Variants in DGKZ observed in about 807,000 individuals in gnomAD.
DGKZ encodes the protein diacylglycerol kinase zeta.
Under a neutral mutation model 142.5 loss-of-function variants are expected in DGKZ, and 45 were observed. The observed-to-expected ratio is 0.32, with a 90% CI of 0.25 to 0.40. The LOEUF (loss-of-function observed/expected upper bound fraction) is 0.40, where lower values mean the gene tolerates loss of function less well. DGKZ is among the 10% of genes least tolerant of loss of function. The pLI is 1.00. For synonymous variants in DGKZ, 442 were observed against 527.0 expected (o/e 0.84, Z 2.21); for missense variants, 755 against 1,306.5 (o/e 0.58, Z 6.51).
Position 46,367,081 on chromosome 11 carries a change from AC to A in DGKZ, c.162-209del. ...AGCTCTGCCTGGCTGAGGGTTCCCCACTTGGGAACACTCTGGGCAGTACCCT... is the reference window on the plus strand; with the variant it reads ...AGCTCTGCCTGGCTGAGGGTTCCCCATTGGGAACACTCTGGGCAGTACCCT... On this transcript the variant is annotated intron_variant, in intron 1 of 30. Coordinates refer to ENST00000527911, the Ensembl canonical transcript of DGKZ. This position sits in a 1 kb window ranked among gnomAD's most constrained non-coding sequence, Gnocchi z 4.1. The A allele has an allele frequency of 7.1e-7, 1 of 1,402,726 alleles. No homozygotes were observed. Among genetic ancestry groups the A allele is most frequent in the Non-Finnish European group, 9.5e-7 (1 of 1,047,250 alleles). The allele number at this position is 1,402,726 out of a possible 1,614,324, so 86.9% of individuals were successfully genotyped here.
At chr11:46,340,203 G>A (rs1447543727) in intron 1 of DGKZ, among the ~76,000 whole-genome samples, 2 of 152,228 alleles carry the variant, frequency 1.3e-5, no homozygotes, top group East Asian at 1.9e-4. Flanking sequence ...TTTCATCCTT[G>A]AGGATCTTGC....
intron 15 of DGKZ, 39 bp from the exon 16 acceptor site, chr11:46,374,360 G>A (rs1565072819): frequency 6.8e-6 from 11 of 1,613,892 alleles, no homozygotes; most frequent in Non-Finnish European, 9.3e-6. Flanking sequence ...TGGGCAGGCT[G>A]GGGTGACTCA....
chr11:46,356,295 C>G (rs1021369279), intron 1 of DGKZ, among the ~76,000 whole-genome samples: 31 of 152,244 alleles, frequency 2.0e-4, no homozygotes, highest in African/African-American at 5.5e-4. Context: ...ACTTGTCCAC[C>G]CAGTGCAGCA....
chr11:46,378,568 G>T (rs780196854), intron 27 of DGKZ, 68 bp downstream of exon 27: 1 of 1,607,490 alleles, frequency 6.2e-7, no homozygotes, highest in Non-Finnish European at 8.5e-7. Context: ...GAGGCCTCTG[G>T]GTTGGGCCAA....
intron 24 of DGKZ, 180 bp from the exon 25 acceptor site, chr11:46,376,893 A>G (rs760497333): frequency 3.5e-5 from 23 of 654,484 alleles, no homozygotes; most frequent in Non-Finnish European, 5.1e-5. Context: ...AAGTCTGGGC[A>G]GTCGGAGGAG....
intron 24 of DGKZ, 30 bp from the exon 25 acceptor site, chr11:46,377,043 C>G: frequency 6.2e-7 from 1 of 1,606,524 alleles, no homozygotes; most frequent in Non-Finnish European, 8.5e-7. Flanking sequence ...GTCAGGTGCC[C>G]TGACCTCCCG....
At chr11:46,361,567 G>C in intron 1 of DGKZ, 3 of 931,488 alleles carry the variant, frequency 3.2e-6, no homozygotes, top group Non-Finnish European at 3.8e-6. Flanking sequence ...GGGTGACAAG[G>C]GGGAGGGGGC....
chr11:46,363,721 C>T (rs1942943503), intron 1 of DGKZ, among the ~76,000 whole-genome samples: 1 of 152,182 alleles, frequency 6.6e-6, no homozygotes, highest in Admixed American at 6.5e-5. Flanking sequence ...GGCGGTGTGT[C>T]CGGGTGACTA....
In DGKZ at chr11:46,374,469, C is replaced by A; in HGVS notation, c.1461+15C>A. ...TCTACGCCGGGGTGAGTGGGGTCTG[C>A]ACCCCCGCCTGTGCCCACCTCTTCT... On this transcript the variant is annotated intron_variant, in intron 16 of 30. Transcript: ENST00000527911. 1.2e-6 allele frequency: 2 copies of A among 1,613,882 alleles called. No homozygotes were observed. Among genetic ancestry groups the A allele is most frequent in the Non-Finnish European group, 1.7e-6 (2 of 1,180,006 alleles).
At chr11:46,336,744 G>A (rs901649903) in intron 1 of DGKZ, among the ~76,000 whole-genome samples, 9 of 152,100 alleles carry the variant, frequency 5.9e-5, no homozygotes, top group Non-Finnish European at 1.3e-4. Flanking sequence ...TTGTAGGGAT[G>A]GGGTTTCGCC....
intron 30 of DGKZ, 76 bp from the exon 31 acceptor site, chr11:46,379,753 TAG>T (rs1420134457): frequency 1.4e-6 from 2 of 1,414,960 alleles, no homozygotes; most frequent in East Asian, 2.5e-5. Flanking sequence ...CACAGGGAGG[TAG>T]AGCCCCTGCC....
At chr11:46,351,043 A>G (rs1941321096) in intron 1 of DGKZ, among the ~76,000 whole-genome samples, 1 of 152,012 alleles carries the variant, frequency 6.6e-6, no homozygotes, top group Admixed American at 6.5e-5. Flanking sequence ...CCCTGAGCAG[A>G]GGGCAGGCAG....
intron 1 of DGKZ, among the ~76,000 whole-genome samples, chr11:46,341,223 C>T (rs1397653483): frequency 6.6e-6 from 1 of 152,152 alleles, no homozygotes; most frequent in Non-Finnish European, 1.5e-5. Flanking sequence ...GCCCAGCCTT[C>T]TGAACACCTG....
At chr11:46,375,605 G>A in exon 20 of DGKZ, 1 of 1,579,976 alleles carries the variant, frequency 6.3e-7, no homozygotes, top group Non-Finnish European at 8.5e-7. Context: ...AGGCCAAGCG[G>A]CGGAGCGCCG....
intron 25 of DGKZ, 70 bp from the exon 26 acceptor site, chr11:46,378,128 G>A: frequency 1.9e-6 from 3 of 1,556,034 alleles, no homozygotes; most frequent in Non-Finnish European, 2.6e-6. Flanking sequence ...GATGCCCCCA[G>A]TTGGGGTTGG....
rs780215785 is a variant in DGKZ, at chr11:46,376,583, G to A, written c.2202+19G>A. 2 of 1,612,934 alleles carry A rather than the reference G, an allele frequency of 1.2e-6. No homozygotes were observed. Among genetic ancestry groups the A allele is most frequent in the Non-Finnish European group, 1.7e-6 (2 of 1,179,990 alleles). ...AGCCCAGGTGAGCGATTGCAGGCCTGCTCCAGCCACAGCTGCTTCCGGGCC... is the reference window on the plus strand; with the variant it reads ...AGCCCAGGTGAGCGATTGCAGGCCTACTCCAGCCACAGCTGCTTCCGGGCC... On this transcript the variant is annotated intron_variant, in intron 24 of 30. Transcript: ENST00000527911.
intron 27 of DGKZ, 195 bp from the exon 28 acceptor site, chr11:46,378,796 C>G: frequency 1.0e-6 from 1 of 991,790 alleles, no homozygotes; most frequent in Non-Finnish European, 1.5e-6. Flanking sequence ...TGCCAGAGAG[C>G]CCACAGGCTG....
upstream of DGKZ, among the ~76,000 whole-genome samples, chr11:46,344,241 T>C (rs1490652122): frequency 6.6e-6 from 1 of 151,870 alleles, no homozygotes; most frequent in Admixed American, 6.6e-5. Context: ...TTGCTGACAT[T>C]ATATTGTACA....
At chr11:46,333,531 C>G (rs1035246826) in intron 1 of DGKZ, 1 of 1,513,444 alleles carries the variant, frequency 6.6e-7, no homozygotes, top group African/African-American at 1.4e-5. Context: ...CTTGGGACCA[C>G]CCCTCTTGCA....
Sources: gnomAD v4.1 joint callset for allele counts (sites outside exome capture counted in the v4.1 genomes callset) on GRCh38, gnomAD v4.1.1 for gene constraint, Gnocchi (gnomAD v3.1) non-coding constraint, MANE v1.5 for transcripts, NCBI Gene and HGNC (gene_info 2026-07-23, HGNC 2026-07-21) for gene names.